Variants in CEMIP observed in about 807,000 individuals in gnomAD.
The protein encoded by CEMIP is cell migration-inducing and hyaluronan-binding protein.
Under a neutral mutation model 156.9 loss-of-function variants are expected in CEMIP, and 105 were observed. The ratio of observed to expected loss-of-function variants is 0.67; its 90% CI spans 0.57 to 0.79. The LOEUF (loss-of-function observed/expected upper bound fraction) is 0.79. Among genes scored for constraint, CEMIP ranks in the 30% least tolerant of loss-of-function variants. CEMIP has a pLI of 0.00. For missense variants in CEMIP, 1,457 were observed against 1,769.4 expected (o/e 0.82, Z 3.17); for synonymous variants, 676 against 668.4 (o/e 1.01, Z -0.17).
intron 1 of CEMIP, among the ~76,000 whole-genome samples, chr15:80,813,595 G>A (rs979633034): frequency 4.6e-5 from 7 of 151,996 alleles, no homozygotes; most frequent in African/African-American, 1.7e-4. Flanking sequence ...ATCCACCTGC[G>A]TTGGCCTCCC....
chr15:80,929,152 G>A lies in CEMIP; in HGVS notation c.2590G>A (p.Gly864Arg), dbSNP rs374325479. ...GGGCCCTGGCGGCTTGGACCATAGC[G>A]GAAGGACCCTCCCTATAGGCCAGTA... ...IWGPGGLDHS[G>R]RTLPIGQNFP... is the part of the protein sequence containing the mutation. The change falls in exon 21 of 30, where the codon GGA (glycine) becomes AGA (arginine). Residue 864 changes from glycine (G) to arginine (R), a missense_variant. Around this residue, in one of 5 missense-constraint regions of CEMIP, gnomAD observed 798 missense variants for 980.1 expected, o/e 0.81. Coordinates refer to ENST00000394685, the MANE Select transcript of CEMIP (RefSeq NM_001293298.2). The A allele has an allele frequency of 2.9e-5, 47 of 1,614,192 alleles. No homozygotes were observed. Among genetic ancestry groups the A allele is most frequent in the East Asian group, 4.5e-5 (2 of 44,870 alleles).
chr15:80,805,418 G>T (rs190632978), intron 1 of CEMIP, among the ~76,000 whole-genome samples: 4 of 152,292 alleles, frequency 2.6e-5, no homozygotes, highest in Admixed American at 2.6e-4. Context: ...GGCGGTTCCC[G>T]TGCTGGGGTG....
At chr15:80,946,933 C>A in intron 28 of CEMIP, 32 bp from the exon 29 acceptor site, 2 of 1,481,106 alleles carry the variant, frequency 1.4e-6, no homozygotes, top group South Asian at 1.1e-5. Flanking sequence ...TTTGCTCTCT[C>A]CCTCTGGTCT....
At chr15:80,835,486 C>A (rs1320109326) in intron 1 of CEMIP, among the ~76,000 whole-genome samples, 1 of 152,218 alleles carries the variant, frequency 6.6e-6, no homozygotes, top group African/African-American at 2.4e-5. Flanking sequence ...TAGGCAGGGG[C>A]CCCGCATGGC....
At chr15:80,886,825 CTGTT>C (rs1898857977) in intron 7 of CEMIP, among the ~76,000 whole-genome samples, 1 of 152,190 alleles carries the variant, frequency 6.6e-6, no homozygotes, top group Non-Finnish European at 1.5e-5. Context: ...AGCAAGGTCT[CTGTT>C]CCTTCAGATT....
intron 1 of CEMIP, among the ~76,000 whole-genome samples, chr15:80,840,026 G>T (rs1363566532): frequency 6.6e-6 from 1 of 152,180 alleles, no homozygotes; most frequent in Non-Finnish European, 1.5e-5. Flanking sequence ...GAGTCTTTTT[G>T]AATCTCCTCC....
intron 1 of CEMIP, among the ~76,000 whole-genome samples, chr15:80,854,258 A>G (rs1897787363): frequency 6.6e-6 from 1 of 152,272 alleles, no homozygotes; most frequent in Non-Finnish European, 1.5e-5. Flanking sequence ...CTAGGCCAGC[A>G]TCCTGGGCCA....
At chr15:80,910,448 A>G (rs904661275) in intron 14 of CEMIP, among the ~76,000 whole-genome samples, 1 of 152,244 alleles carries the variant, frequency 6.6e-6, no homozygotes, top group Non-Finnish European at 1.5e-5. Context: ...AACCAAGCAG[A>G]GCGAGCCTCG....
chr15:80,898,957 G>C lies in CEMIP; in HGVS notation c.1411+2897G>C, dbSNP rs536013687. ...AGGCCGGGCGCGGTGGCTCACGTCTGTAATTCCAGGACTTTGGGATGCTGA... is the reference window on the plus strand; with the variant it reads ...AGGCCGGGCGCGGTGGCTCACGTCTCTAATTCCAGGACTTTGGGATGCTGA... On this transcript the variant is annotated intron_variant, in intron 12 of 29. Transcript: ENST00000394685. Among the ~76,000 whole-genome samples, 19 of 152,326 alleles carry C rather than the reference G, an allele frequency of 1.2e-4. No homozygotes were observed. The South Asian group carries it at 3.5e-3, about 28-fold the overall frequency.
At chr15:80,839,487 G>A (rs1436085645) in intron 1 of CEMIP, among the ~76,000 whole-genome samples, 2 of 152,164 alleles carry the variant, frequency 1.3e-5, no homozygotes, top group East Asian at 3.9e-4. Context: ...GGCCCTGCAG[G>A]AGGGCCAGCA....
At chr15:80,798,140 T>A (rs186646040) in intron 1 of CEMIP, among the ~76,000 whole-genome samples, 19 of 152,322 alleles carry the variant, frequency 1.2e-4, no homozygotes. Context: ...ACTTGGAAAG[T>A]ACAGAAATGA....
At chr15:80,786,256 G>A (rs1045038563) in intron 1 of CEMIP, among the ~76,000 whole-genome samples, 1 of 152,074 alleles carries the variant, frequency 6.6e-6, no homozygotes, top group Non-Finnish European at 1.5e-5. Flanking sequence ...TTGTTTTTGT[G>A]ACAAAGTCTC....
At chr15:80,885,392 G>A (rs1898801453) in intron 7 of CEMIP, among the ~76,000 whole-genome samples, 1 of 152,166 alleles carries the variant, frequency 6.6e-6, no homozygotes, top group Non-Finnish European at 1.5e-5. Flanking sequence ...TTCTGGACGG[G>A]AAACTCAAGC....
At chr15:80,795,015 G>C (rs1477950846) in intron 1 of CEMIP, among the ~76,000 whole-genome samples, 7 of 152,032 alleles carry the variant, frequency 4.6e-5, no homozygotes, top group African/African-American at 1.4e-4. Flanking sequence ...GATGTCCTAG[G>C]TAATGAGGAT....
intron 14 of CEMIP, chr15:80,909,851 A>G (rs1899977076): frequency 2.9e-6 from 1 of 349,408 alleles, no homozygotes; most frequent in Non-Finnish European, 5.7e-6. Flanking sequence ...CCTTTCTCGA[A>G]GTGAACTACA....
chr15:80,913,881 A>G (rs893400419), intron 14 of CEMIP, among the ~76,000 whole-genome samples: 3 of 152,258 alleles, frequency 2.0e-5, no homozygotes, highest in Non-Finnish European at 4.4e-5. Flanking sequence ...ATAAAAATAC[A>G]TGCTTAGCTT....
chr15:80,933,334 C>A lies in CEMIP; in HGVS notation c.2883C>A (p.Val961=), dbSNP rs772702178. 6.2e-7 allele frequency: 1 copy of A among 1,614,142 alleles called. No homozygotes were observed. The highest frequency in any genetic ancestry group is 1.7e-5 in the Admixed American group (1 of 60,022). ...DGDKTSVFHD[V]DGSVSEYPGS... Reference sequence around the variant, plus strand: ...ATAAGACATCTGTGTTCCATGACGTCGACGGCTCCGTGTCCGAGTACCCTG... The same window carrying A: ...ATAAGACATCTGTGTTCCATGACGTAGACGGCTCCGTGTCCGAGTACCCTG... The change falls in exon 23 of 30, where the codon GTC becomes GTA. Residue 961 remains valine (V), a synonymous_variant. Coordinates refer to ENST00000394685, the MANE Select transcript of CEMIP (RefSeq NM_001293298.2).
At chr15:80,916,458 T>C (rs529929760) in intron 14 of CEMIP, among the ~76,000 whole-genome samples, 2 of 152,292 alleles carry the variant, frequency 1.3e-5, no homozygotes, top group South Asian at 4.1e-4. Flanking sequence ...AAAAATACAA[T>C]TTGTGCAAGA....
At chr15:80,900,977 C>G (rs1325923587) in intron 12 of CEMIP, 1 of 455,656 alleles carries the variant, frequency 2.2e-6, no homozygotes, top group East Asian at 7.0e-5. Flanking sequence ...TGATGGGAAA[C>G]AGATGGGGGT....
Sources: gnomAD v4.1 joint callset for allele counts (sites outside exome capture counted in the v4.1 genomes callset) on GRCh38, gnomAD v4.1.1 for gene constraint, gnomAD v4.1.1 regional missense constraint, MANE v1.5 for transcripts, NCBI Gene and HGNC (gene_info 2026-07-23, HGNC 2026-07-21) for gene names.